Variants in FKBP9 observed in about 807,000 individuals in gnomAD.
FKBP9 encodes the protein peptidyl-prolyl cis-trans isomerase FKBP9.
Under a neutral mutation model 55.6 loss-of-function variants are expected in FKBP9, and 27 were observed. That is an observed-to-expected ratio of 0.49 (90% CI 0.36 to 0.67). FKBP9 has a LOEUF of 0.67. Among genes scored for constraint, FKBP9 ranks in the 30% least tolerant of loss-of-function variants. The pLI is 0.00. For missense variants in FKBP9, 539 were observed against 742.8 expected (o/e 0.73, Z 3.19); for synonymous variants, 267 against 296.5 (o/e 0.90, Z 1.02).
At chr7:32,978,533 G>C (rs551984438) in intron 4 of FKBP9, among the ~76,000 whole-genome samples, 1 of 151,892 alleles carries the variant, frequency 6.6e-6, no homozygotes, top group Non-Finnish European at 1.5e-5. Flanking sequence ...AGTTAAAAAA[G>C]TTTTTTTAGA....
chr7:32,996,258 C>A lies in FKBP9; in HGVS notation c.1135C>A (p.Pro379Thr). Residue 379 changes from proline to threonine, a missense_variant, in exon 7 of 10, where the codon CCC (proline) becomes ACC (threonine). Physicochemically the swap from Pro to Thr is conservative, Grantham distance 38. Transcript: ENST00000242209. Reference sequence around the variant, plus strand: ...CATCAGCATCACCTCCCACTACAAACCCCCTGACTGCTCAGTGCTGAGTAA... The same window carrying A: ...CATCAGCATCACCTCCCACTACAAAACCCCTGACTGCTCAGTGCTGAGTAA... ...DSISITSHYKPPDCSVLSKKG... is the reference protein window; with the variant it reads ...DSISITSHYKTPDCSVLSKKG... 3 of 1,614,028 alleles carry A rather than the reference C, an allele frequency of 1.9e-6. No individual in the cohort carries two copies. The highest frequency in any genetic ancestry group is 3.3e-5 in the Admixed American group (2 of 60,030).
At chr7:33,004,935 T>C (rs1245737544) in intron 9 of FKBP9, among the ~76,000 whole-genome samples, 1 of 152,122 alleles carries the variant, frequency 6.6e-6, no homozygotes, top group Non-Finnish European at 1.5e-5. Flanking sequence ...TGCTGGGTAT[T>C]GGCTACCTGA....
intron 5 of FKBP9, among the ~76,000 whole-genome samples, chr7:32,987,481 C>A: frequency 9.4e-6 from 1 of 106,512 alleles, no homozygotes. Flanking sequence ...GGAGACAGAG[C>A]AAGACCCTGT....
rs1784322578 is a variant in FKBP9, at chr7:32,974,541, T to C, written c.222-76T>C. 1.3e-5 allele frequency: 17 copies of C among 1,342,994 alleles called. 1 individual carries two copies. In the Middle Eastern group the frequency reaches 1.1e-3, roughly 88 times the overall value. The allele number at this position is 1,342,994 out of a possible 1,614,324, so 83.2% of individuals were successfully genotyped here. On this transcript the variant is annotated intron_variant, in intron 1 of 9. Coordinates refer to ENST00000242209, the MANE Select transcript of FKBP9 (RefSeq NM_007270.5). ...GGCCCCATTACATCTGTGGGCACAT[T>C]TTTACAGGTTGGTTTTTACTGAGGA...
chr7:32,971,745 G>A (rs1229531793), intron 1 of FKBP9, among the ~76,000 whole-genome samples: 1 of 152,184 alleles, frequency 6.6e-6, no homozygotes, highest in Non-Finnish European at 1.5e-5. Context: ...ACCCTGGAGT[G>A]TGAGATTGAG....
At chr7:33,002,947 G>C in intron 9 of FKBP9, 108 bp downstream of exon 9, 1 of 1,093,844 alleles carries the variant, frequency 9.1e-7, no homozygotes, top group South Asian at 1.5e-5. Context: ...AGGCCAGCTG[G>C]CTGGAGGGCT....
rs1784223643 is a variant in FKBP9 at position 32,970,069 on chromosome 7, T to C, written c.222-4548T>C. 2.0e-5 allele frequency among the ~76,000 whole-genome samples: 3 copies of C among 151,608 alleles called. No homozygotes were observed. The South Asian group carries it at 6.3e-4, about 32-fold the overall frequency. On this transcript the variant is annotated intron_variant, in intron 1 of 9. Transcript: ENST00000242209. ...TTTTCTATTTCTGCAAAAAATGCCATCAGGATTTTGGTAGGAATTGCATTG... is the reference window on the plus strand; with the variant it reads ...TTTTCTATTTCTGCAAAAAATGCCACCAGGATTTTGGTAGGAATTGCATTG...
At chr7:32,998,450 A>T (rs1170973618) in intron 7 of FKBP9, 1 of 151,868 alleles carries the variant, frequency 6.6e-6, no homozygotes, top group Non-Finnish European at 1.5e-5. Flanking sequence ...TGTTTGAAGG[A>T]CTCATAACAT....
At chr7:32,986,207 C>G (rs1562570432) in intron 5 of FKBP9, among the ~76,000 whole-genome samples, 1 of 152,204 alleles carries the variant, frequency 6.6e-6, no homozygotes, top group Non-Finnish European at 1.5e-5. Context: ...GACCATTGCT[C>G]TTCCCTTAGG....
At chr7:32,992,450 C>G (rs1784704829) in intron 6 of FKBP9, among the ~76,000 whole-genome samples, 1 of 152,238 alleles carries the variant, frequency 6.6e-6, no homozygotes, top group Admixed American at 6.5e-5. Flanking sequence ...TTAAGTTTTT[C>G]TCATCTGTAT....
intron 8 of FKBP9, among the ~76,000 whole-genome samples, chr7:33,000,759 G>A (rs1784914754): frequency 6.6e-6 from 1 of 150,450 alleles, no homozygotes; most frequent in Admixed American, 6.7e-5. Context: ...CAGCCACAAT[G>A]TGTCCTCCAC....
rs1785046431 is a variant in FKBP9, at chr7:33,006,634, T to A, written c.*1283T>A. ...CTGCCCATTTGTGTCCTGGAGACGG[T>A]GGTACCCTGAAGGCAGAGGCCAGCT... On this transcript the variant is annotated 3_prime_UTR_variant, in exon 10 of 10. Transcript: ENST00000242209. The A allele has an allele frequency of 4.7e-6, 1 of 214,242 alleles. No homozygotes were observed. The highest frequency in any genetic ancestry group is 1.9e-4 in the South Asian group (1 of 5,362). The allele number at this position is 214,242 out of a possible 1,614,324, so 13.3% of individuals were successfully genotyped here.
chr7:32,991,351 C>A (rs575602183), intron 6 of FKBP9, among the ~76,000 whole-genome samples: 1 of 152,062 alleles, frequency 6.6e-6, no homozygotes, highest in South Asian at 2.1e-4. Context: ...CCTGAGTGAC[C>A]CTGAGGTATA....
Position 33,002,807 on chromosome 7 carries a change from A to G in FKBP9, c.1504A>G (p.Lys502Glu), listed in dbSNP as rs1036992268. The G allele has an allele frequency of 1.2e-5, 20 of 1,613,986 alleles. No individual in the cohort carries two copies. The Admixed American group carries it at 2.8e-4, about 23-fold the overall frequency. The change falls in exon 9 of 10, where the codon AAG (lysine) becomes GAG (glutamate). Residue 502 changes from lysine to glutamate, a missense_variant. Around this residue, in one of 4 missense-constraint regions of FKBP9, gnomAD observed 102 missense variants for 200.7 expected, o/e 0.51. Transcript: ENST00000242209. ...VSPNLFEEIDKDGNGEVLLEE... is the reference protein window; with the variant it reads ...VSPNLFEEIDEDGNGEVLLEE... The stretch of plus-strand genomic sequence containing the variant: ...ACCCAACCTCTTTGAAGAAATTGAC[A>G]AGGATGGCAACGGAGAAGTCCTCCT...
At chr7:32,991,787 C>T (rs1171732994) in intron 6 of FKBP9, among the ~76,000 whole-genome samples, 2 of 152,154 alleles carry the variant, frequency 1.3e-5, no homozygotes, top group African/African-American at 2.4e-5. Flanking sequence ...ATTCTGCCTG[C>T]GAGGATGTGT....
intron 3 of FKBP9, 59 bp from the exon 4 acceptor site, chr7:32,976,295 A>G (rs1784362644): frequency 1.2e-6 from 2 of 1,607,158 alleles, no homozygotes; most frequent in Admixed American, 1.7e-5. Flanking sequence ...CCGTACGGAG[A>G]GATGAGTTGG....
chr7:32,981,983 A>G (rs1333996546), intron 5 of FKBP9, among the ~76,000 whole-genome samples: 2 of 148,508 alleles, frequency 1.3e-5, no homozygotes, highest in East Asian at 2.0e-4. Context: ...AGAGTTAACC[A>G]TCTTTATTGG....
intron 6 of FKBP9, among the ~76,000 whole-genome samples, chr7:32,990,636 T>C (rs1467162642): frequency 6.6e-6 from 1 of 152,278 alleles, no homozygotes. Flanking sequence ...GTGATTTCTC[T>C]CTTCACCTAA....
intron 6 of FKBP9, among the ~76,000 whole-genome samples, chr7:32,995,739 G>C (rs1167011721): frequency 6.6e-6 from 1 of 152,096 alleles, no homozygotes; most frequent in Non-Finnish European, 1.5e-5. Flanking sequence ...TAGGACATTG[G>C]AGTGATTTCA....
Sources: gnomAD v4.1 joint callset for allele counts (sites outside exome capture counted in the v4.1 genomes callset) on GRCh38, gnomAD v4.1.1 for gene constraint, gnomAD v4.1.1 regional missense constraint, MANE v1.5 for transcripts, NCBI Gene and HGNC (gene_info 2026-07-23, HGNC 2026-07-21) for gene names.